The following CELSR1 variants were observed in gnomAD, a reference collection of about 807,000 sequenced individuals.
The protein encoded by CELSR1 is cadherin EGF LAG seven-pass G-type receptor 1, also known as adhesion G protein-coupled receptor C1.
Under a neutral mutation model 249.1 loss-of-function variants are expected in CELSR1, and 110 were observed. The ratio of observed to expected loss-of-function variants is 0.44; its 90% CI spans 0.38 to 0.52. The LOEUF (loss-of-function observed/expected upper bound fraction) is 0.52, where lower values mean the gene tolerates loss of function less well. CELSR1 is among the 20% of genes least tolerant of loss of function. CELSR1 has a pLI of 0.00. For synonymous variants in CELSR1, 2,113 were observed against 1,900.0 expected (o/e 1.11, Z -2.92); for missense variants, 4,109 against 4,296.4 (o/e 0.96, Z 1.22).
At chr22:46,365,446 AG>A in intron 31 of CELSR1, 66 bp from the exon 32 acceptor site, 1 of 1,589,916 alleles carries the variant, frequency 6.3e-7, no homozygotes, top group East Asian at 2.3e-5. Flanking sequence ...CCGAGGGCCA[AG>A]CAGAGCCACT....
chr22:46,373,108 T>A lies in CELSR1; in HGVS notation c.7585-51A>T. Reference sequence around the variant, plus strand: ...AGGGCCCCTGCATCCCAGGCTGAGGTCAGACAGGCATGAGTGAGGGGTGGG... The same window carrying A: ...AGGGCCCCTGCATCCCAGGCTGAGGACAGACAGGCATGAGTGAGGGGTGGG... On this transcript the variant is annotated intron_variant, in intron 24 of 34. Coordinates refer to ENST00000674500, the MANE Select transcript of CELSR1 (RefSeq NM_001378328.1). 6.6e-7 allele frequency: 1 copy of A among 1,511,714 alleles called. No individual in the cohort carries two copies. Among genetic ancestry groups the A allele is most frequent in the Non-Finnish European group, 8.9e-7 (1 of 1,124,964 alleles). 93.6% of individuals were successfully genotyped at this position (1,511,714 alleles called of 1,614,324 possible).
chr22:46,427,243 G>T lies in CELSR1; in HGVS notation c.4611+6150C>A, dbSNP rs1442071715. On this transcript the variant is annotated intron_variant, in intron 5 of 34. Coordinates refer to ENST00000674500, the MANE Select transcript of CELSR1 (RefSeq NM_001378328.1). This position sits in a 1 kb window ranked among gnomAD's most constrained non-coding sequence, Gnocchi z 4.2. ...TTCTAAATGCCACCCTCCACTAAAA[G>T]AACCAGGCTCGGCCAGGTGCAGTGG... 2.0e-5 allele frequency among the ~76,000 whole-genome samples: 3 copies of T among 152,154 alleles called. No individual in the cohort carries two copies. Among genetic ancestry groups the T allele is most frequent in the Non-Finnish European group, 4.4e-5 (3 of 68,024 alleles).
At chr22:46,528,919 ACT>A (rs2080765067) in intron 1 of CELSR1, among the ~76,000 whole-genome samples, 1 of 144,652 alleles carries the variant, frequency 6.9e-6, no homozygotes, top group Non-Finnish European at 1.5e-5. Context: ...ACAGAGCGAG[ACT>A]CTGTCTCAAA....
In CELSR1 at chr22:46,393,062, A is replaced by T. The variant is rs565858935; in HGVS notation, c.5964+1080T>A. ...ACCACCGCAGGCACTGGGGGGGGAC[A>T]CTACTGACATCACGAGATGGCATCC... On this transcript the variant is annotated intron_variant, in intron 14 of 34. Coordinates refer to ENST00000674500, the MANE Select transcript of CELSR1 (RefSeq NM_001378328.1). This position sits in a 1 kb window ranked among gnomAD's most constrained non-coding sequence, Gnocchi z 4.1. Among the ~76,000 whole-genome samples the T allele has an allele frequency of 7.2e-5, 11 of 152,236 alleles. No individual in the cohort carries two copies. The highest frequency in any genetic ancestry group is 2.2e-4 in the African/African-American group (9 of 41,542).
chr22:46,418,908 A>G (rs2079433868), intron 5 of CELSR1, among the ~76,000 whole-genome samples: 1 of 152,242 alleles, frequency 6.6e-6, no homozygotes, highest in African/African-American at 2.4e-5. Context: ...GGACGTATAC[A>G]GTACATTTGG....
At chr22:46,400,926 T>C (rs1159740571) in intron 9 of CELSR1, among the ~76,000 whole-genome samples, 6 of 151,354 alleles carry the variant, frequency 4.0e-5, no homozygotes, top group Admixed American at 3.9e-4. Context: ...TACTTCGACT[T>C]GGGTGACAGA....
chr22:46,474,363 A>G (rs118108848), intron 1 of CELSR1, among the ~76,000 whole-genome samples: 1 of 151,996 alleles, frequency 6.6e-6, no homozygotes, highest in Admixed American at 6.6e-5. Context: ...CACCACTGCC[A>G]TCCCCTCGGG....
At position 46,500,122 on chromosome 22, in the gene CELSR1, C is replaced by A. The variant is rs1458307593; in HGVS notation, c.3544+33505G>T. On this transcript the variant is annotated intron_variant, in intron 1 of 34. Coordinates refer to ENST00000674500, the MANE Select transcript of CELSR1 (RefSeq NM_001378328.1). The surrounding 1 kb of genome is among the most constrained non-coding windows in gnomAD (Gnocchi z 4.9). The stretch of plus-strand genomic sequence containing the variant: ...CCTGATCCTCCCAGCATGATCCCAC[C>A]CCAGCCCCTGGTCCTCCCAGCATGA... Among the ~76,000 whole-genome samples the A allele has an allele frequency of 6.7e-6, 1 of 148,422 alleles. No individual in the cohort carries two copies. Among genetic ancestry groups the A allele is most frequent in the Non-Finnish European group, 1.5e-5 (1 of 67,632 alleles).
At chr22:46,502,198 G>A (rs1378991864) in intron 1 of CELSR1, among the ~76,000 whole-genome samples, 2 of 150,068 alleles carry the variant, frequency 1.3e-5, no homozygotes, top group Non-Finnish European at 3.0e-5. Context: ...AGGAGGTCGG[G>A]GCTGCAGTGA....
chr22:46,513,918 C>G (rs889872078), intron 1 of CELSR1, among the ~76,000 whole-genome samples: 10 of 150,350 alleles, frequency 6.7e-5, no homozygotes, highest in Non-Finnish European at 1.5e-4. Flanking sequence ...TCAGCCCCCC[C>G]CGAGTAGCTG....
rs1189437863 is a variant in CELSR1, at chr22:46,436,512, T to C, written c.4407-223A>G. On this transcript the variant is annotated intron_variant, in intron 3 of 34. Transcript: ENST00000674500. The surrounding 1 kb of genome is among the most constrained non-coding windows in gnomAD (Gnocchi z 5.9). ...AAACCAGAATCCATGGGGAGTCTGG[T>C]TACTACGGCCTGTAGAATGCAAAAA... 3.9e-5 allele frequency among the ~76,000 whole-genome samples: 6 copies of C among 152,254 alleles called. No individual in the cohort carries two copies. The East Asian group carries it at 9.6e-4, about 24-fold the overall frequency.
intron 2 of CELSR1, among the ~76,000 whole-genome samples, chr22:46,443,803 C>A (rs1007616364): frequency 1.3e-5 from 2 of 152,260 alleles, no homozygotes; most frequent in Non-Finnish European, 2.9e-5. Context: ...CTTTGTAAAT[C>A]CCGTGCGTTC....
At position 46,488,071 on chromosome 22, in the gene CELSR1, A is replaced by T. The variant is rs2080333318; in HGVS notation, c.3545-23726T>A. ...GGATCAGCTGACAGGGGCGTGAGGGAGGGGTGTCAAGTACCAGTGGAGGCA... is the reference window on the plus strand; with the variant it reads ...GGATCAGCTGACAGGGGCGTGAGGGTGGGGTGTCAAGTACCAGTGGAGGCA... On this transcript the variant is annotated intron_variant, in intron 1 of 34. Coordinates refer to ENST00000674500, the MANE Select transcript of CELSR1 (RefSeq NM_001378328.1). This position sits in a 1 kb window ranked among gnomAD's most constrained non-coding sequence, Gnocchi z 4.7. 6.9e-6 allele frequency among the ~76,000 whole-genome samples: 1 copy of T among 145,198 alleles called. No individual in the cohort carries two copies. Among genetic ancestry groups the T allele is most frequent in the South Asian group, 2.2e-4 (1 of 4,546 alleles).
In CELSR1 at chr22:46,511,770, G is replaced by A. The variant is rs945002960; in HGVS notation, c.3544+21857C>T. Among the ~76,000 whole-genome samples the A allele has an allele frequency of 5.3e-5, 8 of 152,292 alleles. 2 individuals carry two copies. The highest frequency in any genetic ancestry group is 2.0e-4 in the Admixed American group (3 of 15,300). ...TAGGGGGCAGAAGAAGAGTAAGAGGGTGAGATGAGGGAAGGAGGTGTCTCC... is the reference window on the plus strand; with the variant it reads ...TAGGGGGCAGAAGAAGAGTAAGAGGATGAGATGAGGGAAGGAGGTGTCTCC... On this transcript the variant is annotated intron_variant, in intron 1 of 34. Transcript: ENST00000674500.
intron 18 of CELSR1, among the ~76,000 whole-genome samples, chr22:46,387,854 C>A (rs2079048597): frequency 6.6e-6 from 1 of 152,148 alleles, no homozygotes. Flanking sequence ...CATCAGAACT[C>A]CTCCTGAACT....
chr22:46,384,664 G>A lies in CELSR1; in HGVS notation c.6762C>T (p.Asp2254=). 6.2e-7 allele frequency: 1 copy of A among 1,612,956 alleles called. No individual in the cohort carries two copies. Among genetic ancestry groups the A allele is most frequent in the Non-Finnish European group, 8.5e-7 (1 of 1,179,524 alleles). ...CCCTGGCTCCCGTAAAGTTGAACTT[G>A]TCAAAGATGTCGACAGCAAGAACTG... ...ANMILAVDIF[D]KFNFTGARVP... is the part of the protein sequence containing the mutation. Residue 2254 remains aspartate, a synonymous_variant, in exon 20 of 35, where the codon GAC becomes GAT. Transcript: ENST00000674500.
rs776545442 is a variant in CELSR1 at position 46,410,505 on chromosome 22, T to C, written c.4826A>G (p.Asp1609Gly). Residue 1609 changes from aspartate to glycine, a missense_variant, in exon 7 of 35, where the codon GAC (aspartate) becomes GGC (glycine). Asp to Gly is a moderately conservative substitution (Grantham distance 94, BLOSUM62 -1). Around this residue, in one of 7 missense-constraint regions of CELSR1, gnomAD observed 453 missense variants for 492.0 expected, o/e 0.92. Coordinates refer to ENST00000674500, the MANE Select transcript of CELSR1 (RefSeq NM_001378328.1). The surrounding 1 kb of genome is among the most constrained non-coding windows in gnomAD (Gnocchi z 6.8). ...GAACTGCCGGTTGTGCACTGGGAAGTCTTCTGGCAGGTTGGGGACACCCCC... is the reference window on the plus strand; with the variant it reads ...GAACTGCCGGTTGTGCACTGGGAAGCCTTCTGGCAGGTTGGGGACACCCCC... ...LLGGVPNLPE[D>G]FPVHNRQFVG... The C allele has an allele frequency of 1.9e-6, 3 of 1,613,826 alleles. No individual in the cohort carries two copies. In the South Asian group the frequency reaches 3.3e-5, roughly 18 times the overall value.
chr22:46,376,814 A>AG (rs1170312266), intron 24 of CELSR1, among the ~76,000 whole-genome samples: 1 of 151,788 alleles, frequency 6.6e-6, no homozygotes, highest in East Asian at 1.9e-4. Flanking sequence ...AAAAAAAAAA[A>AG]AAAAGAAAGA....
At chr22:46,516,292 T>C (rs916580857) in intron 1 of CELSR1, among the ~76,000 whole-genome samples, 33 of 152,054 alleles carry the variant, frequency 2.2e-4, no homozygotes, top group Non-Finnish European at 3.8e-4. Flanking sequence ...AAATGATGAG[T>C]TCATGTCCTT....
Sources: allele counts gnomAD v4.1 joint callset (sites outside exome capture counted in the v4.1 genomes callset), GRCh38; gene constraint gnomAD v4.1.1; regional missense constraint gnomAD v4.1.1; non-coding constraint Gnocchi (gnomAD v3.1); transcripts MANE v1.5; gene names NCBI Gene and HGNC (gene_info 2026-07-23, HGNC 2026-07-21).